Variants in DAB2IP observed in about 807,000 individuals in gnomAD.
The protein encoded by DAB2IP is DAB2 interacting protein, also known as disabled homolog 2-interacting protein.
In DAB2IP, 28 loss-of-function variants were observed where a neutral mutation model predicts 107.2. The observed-to-expected ratio is 0.26, with a 90% confidence interval of 0.19 to 0.36. DAB2IP has a LOEUF of 0.36. DAB2IP is among the 10% of genes least tolerant of loss of function. DAB2IP has a pLI of 1.00. For missense variants in DAB2IP, 1,400 were observed against 1,644.7 expected, an observed-to-expected ratio of 0.85 and a Z score of 2.57; for synonymous variants, 755 against 706.4, an observed-to-expected ratio of 1.07 and a Z score of -1.09.
Position 121,772,801 on chromosome 9 carries a change from A to G in DAB2IP, c.2273A>G (p.Asp758Gly), listed in dbSNP as rs1834861934. 5.0e-6 allele frequency: 8 copies of G among 1,612,158 alleles called. No homozygotes were observed. Among genetic ancestry groups the G allele is most frequent in the Non-Finnish European group, 6.8e-6 (8 of 1,179,576 alleles). ...GACCTCCAGGACGCCCGCACGCTGG[A>G]TGGGGAGGCAGGCTCCCCGGCGGGC... The change falls in exon 12 of 16, where the codon GAT (aspartate) becomes GGT (glycine). Residue 758 changes from aspartate (D) to glycine (G), a missense_variant. Transcript: ENST00000408936. The surrounding 1 kb of genome is among the most constrained non-coding windows in gnomAD (Gnocchi z 4.7).
intron 1 of DAB2IP, among the ~76,000 whole-genome samples, chr9:121,587,923 T>A (rs1007129693): frequency 2.6e-5 from 4 of 152,218 alleles, no homozygotes; most frequent in Non-Finnish European, 5.9e-5. Flanking sequence ...CAATTTACAT[T>A]TACCTGGCAT....
chr9:121,696,210 C>T (rs117604945), intron 2 of DAB2IP, among the ~76,000 whole-genome samples: 2,196 of 152,282 alleles, frequency 0.014, 47 homozygotes, highest in Non-Finnish European at 0.022. Flanking sequence ...CTCACTGCAG[C>T]CCCCCACCCA....
chr9:121,779,018 G>T (rs908887051), intron 14 of DAB2IP, among the ~76,000 whole-genome samples: 1 of 152,046 alleles, frequency 6.6e-6, no homozygotes, highest in Non-Finnish European at 1.5e-5. Context: ...TAGCACACGT[G>T]CATTAGGCTG....
intron 1 of DAB2IP, among the ~76,000 whole-genome samples, chr9:121,619,735 C>T (rs776667364): frequency 2.0e-5 from 3 of 152,174 alleles, no homozygotes; most frequent in Non-Finnish European, 4.4e-5. Context: ...GCTTGTAAAC[C>T]ACCTCTGGTG....
chr9:121,782,381 C>T lies in DAB2IP; in HGVS notation c.3453C>T (p.Ala1151=). 1 of 1,614,088 alleles carries T rather than the reference C, an allele frequency of 6.2e-7. No individual in the cohort carries two copies. The highest frequency in any genetic ancestry group is 1.1e-5 in the South Asian group (1 of 91,072). ...CCGCCAATGCCCGCCTCATGAGTGCCCTGACCCAGCTGAAAGAGAGGTACA... is the reference window on the plus strand; with the variant it reads ...CCGCCAATGCCCGCCTCATGAGTGCTCTGACCCAGCTGAAAGAGAGGTACA... The change falls in exon 16 of 16, where the codon GCC becomes GCT. Residue 1151 remains alanine (A), a synonymous_variant. Coordinates refer to ENST00000408936, the Ensembl canonical transcript of DAB2IP. The surrounding 1 kb of genome is among the most constrained non-coding windows in gnomAD (Gnocchi z 6.1).
chr9:121,783,552 A>G, exon 16 of DAB2IP: 1 of 1,614,120 alleles, frequency 6.2e-7, no homozygotes, highest in Non-Finnish European at 8.5e-7. Context: ...TTAGAAACAA[A>G]AGCCCGCTTG....
At position 121,699,520 on chromosome 9, in the gene DAB2IP, G is replaced by T; in HGVS notation, c.362+62G>T. The T allele has an allele frequency of 8.4e-7, 1 of 1,190,240 alleles. No homozygotes were observed. Among genetic ancestry groups the T allele is most frequent in the Admixed American group, 4.7e-5 (1 of 21,302 alleles). The allele number at this position is 1,190,240 out of a possible 1,614,324, so 73.7% of individuals were successfully genotyped here. A position where few individuals can be genotyped will look rare whatever the true frequency, so the allele number is the denominator to read the frequency against. On this transcript the variant is annotated intron_variant, in intron 3 of 15. Coordinates refer to ENST00000408936, the Ensembl canonical transcript of DAB2IP. The surrounding 1 kb of genome is among the most constrained non-coding windows in gnomAD (Gnocchi z 6.2). ...CGCCCCGGGCTGCGCCCCTGAGGAC[G>T]CGGGGACAAAGCGCGAGCCCGGCCC...
At chr9:121,755,342 C>G (rs1833403154) in intron 3 of DAB2IP, among the ~76,000 whole-genome samples, 1 of 152,188 alleles carries the variant, frequency 6.6e-6, no homozygotes, top group African/African-American at 2.4e-5. Context: ...CTGGGCTTGT[C>G]CATGGGCTTA....
intron 1 of DAB2IP, among the ~76,000 whole-genome samples, chr9:121,587,251 G>A (rs2118919336): frequency 6.6e-6 from 1 of 152,284 alleles, no homozygotes. Flanking sequence ...AAAGTGCAGT[G>A]TAGGCAGAGG....
intron 1 of DAB2IP, among the ~76,000 whole-genome samples, chr9:121,614,874 T>C (rs1241344920): frequency 1.3e-5 from 2 of 151,734 alleles, no homozygotes; most frequent in African/African-American, 4.8e-5. Flanking sequence ...GCTGGGACTA[T>C]AGGGGTGCAC....
chr9:121,615,023 C>T (rs766390716), intron 1 of DAB2IP, among the ~76,000 whole-genome samples: 6 of 152,148 alleles, frequency 3.9e-5, no homozygotes, highest in Admixed American at 6.5e-5. Flanking sequence ...TGTGAGCCAC[C>T]GTGCTGGGCC....
intron 8 of DAB2IP, 101 bp from the exon 9 acceptor site, chr9:121,766,393 G>C: frequency 9.2e-7 from 1 of 1,089,546 alleles, no homozygotes; most frequent in Non-Finnish European, 1.3e-6. Context: ...CACGCAGCTG[G>C]CGGGGTAGAG....
chr9:121,608,197 G>C (rs1830951144), intron 1 of DAB2IP, among the ~76,000 whole-genome samples: 1 of 152,202 alleles, frequency 6.6e-6, no homozygotes, highest in South Asian at 2.1e-4. Flanking sequence ...CACTTGAGTG[G>C]CTCGGCAGCC....
rs1834907836 is a variant in DAB2IP, at chr9:121,773,263, GC to G, written c.2740del (p.Gln914ArgfsTer27). 1.3e-6 allele frequency: 2 copies of G among 1,540,708 alleles called. No homozygotes were observed. The highest frequency in any genetic ancestry group is 1.4e-5 in the African/African-American group (1 of 72,944). On this transcript the variant is annotated frameshift_variant, in exon 12 of 16. Coordinates refer to ENST00000408936, the Ensembl canonical transcript of DAB2IP. LOFTEE classifies it high-confidence loss of function. ...ACGGTGCCACGGCAGAACAGTGCTGGCCCCCAGAGGAGGATCGACCAGCCTC... is the reference window on the plus strand; with the variant it reads ...ACGGTGCCACGGCAGAACAGTGCTGGCCCCAGAGGAGGATCGACCAGCCTC...
chr9:121,766,383 C>T, intron 8 of DAB2IP, 111 bp from the exon 9 acceptor site: 1 of 972,372 alleles, frequency 1.0e-6, no homozygotes, highest in Non-Finnish European at 1.6e-6. Flanking sequence ...GGGCTGACCT[C>T]ACGCAGCTGG....
chr9:121,589,275 C>T (rs944640722), intron 1 of DAB2IP, among the ~76,000 whole-genome samples: 1 of 152,098 alleles, frequency 6.6e-6, no homozygotes, highest in African/African-American at 2.4e-5. Context: ...CATGTAGGGT[C>T]CCTCATGGTG....
chr9:121,671,548 T>G (rs1020352409), intron 1 of DAB2IP, among the ~76,000 whole-genome samples: 1 of 152,228 alleles, frequency 6.6e-6, no homozygotes, highest in African/African-American at 2.4e-5. Flanking sequence ...TAACACAGTT[T>G]GTTTAACCAT....
intron 3 of DAB2IP, among the ~76,000 whole-genome samples, chr9:121,712,719 C>T (rs1384571696): frequency 2.0e-5 from 3 of 152,260 alleles, no homozygotes; most frequent in Non-Finnish European, 4.4e-5. Flanking sequence ...GGCCTTGCTC[C>T]AAACCTTCTG....
chr9:121,589,394 GT>G (rs1159959490), intron 1 of DAB2IP, among the ~76,000 whole-genome samples: 6 of 152,252 alleles, frequency 3.9e-5, no homozygotes, highest in Admixed American at 6.5e-5. Context: ...ATGGTGCCAT[GT>G]TTTTTTATGG....
Sources: allele counts gnomAD v4.1 joint callset (sites outside exome capture counted in the v4.1 genomes callset), GRCh38; gene constraint gnomAD v4.1.1; non-coding constraint Gnocchi (gnomAD v3.1); transcripts MANE v1.5; gene names NCBI Gene and HGNC (gene_info 2026-07-23, HGNC 2026-07-21).